The following RIMKLA variants were observed in gnomAD, a reference collection of about 807,000 sequenced individuals.
RIMKLA encodes the protein ribosomal modification protein rimK like family member A.
Under a neutral mutation model 32.7 loss-of-function variants are expected in RIMKLA, and 14 were observed. That is an observed-to-expected ratio of 0.43 (90% CI 0.28 to 0.67). The LOEUF (loss-of-function observed/expected upper bound fraction) is 0.67, where lower values mean the gene tolerates loss of function less well. Among genes scored for constraint, RIMKLA ranks in the 30% least tolerant of loss-of-function variants. RIMKLA has a pLI of 0.18. For missense variants in RIMKLA, 410 were observed against 519.0 expected (o/e 0.79, Z 2.04); for synonymous variants, 176 against 204.1 (o/e 0.86, Z 1.18).
chr1:42,415,118 T>A lies in RIMKLA; in HGVS notation c.*144T>A. The stretch of plus-strand genomic sequence containing the variant: ...ACTCAGCATTTTTTCTAACGATGAT[T>A]TAAGCAAATGGCCTAGCTTTGTGGT... On this transcript the variant is annotated 3_prime_UTR_variant, in exon 5 of 5. Coordinates refer to ENST00000431473, the MANE Select transcript of RIMKLA (RefSeq NM_173642.4). 1 of 866,906 alleles carries A rather than the reference T, an allele frequency of 1.2e-6. No individual in the cohort carries two copies. The highest frequency in any genetic ancestry group is 1.8e-6 in the Non-Finnish European group (1 of 570,488). The allele number at this position is 866,906 out of a possible 1,614,324, so 53.7% of individuals were successfully genotyped here.
In RIMKLA at chr1:42,416,209, G is replaced by A. The variant is rs57576747; in HGVS notation, c.*1235G>A. The A allele has an allele frequency of 4.6e-5, 7 of 151,602 alleles. No homozygotes were observed. The highest frequency in any genetic ancestry group is 3.3e-4 in the Admixed American group (5 of 15,136). The allele number at this position is 151,602 out of a possible 1,614,324, so 9.4% of individuals were successfully genotyped here. A position where few individuals can be genotyped will look rare whatever the true frequency, so the allele number is the denominator to read the frequency against. On this transcript the variant is annotated 3_prime_UTR_variant, in exon 5 of 5. Transcript: ENST00000431473. ...TGGAGTTTTCCATTTCTGCTTATAC[G>A]AAATATGACTGAAAATGAACAAAGC...
chr1:42,407,714 A>C (rs1191668834), intron 3 of RIMKLA, among the ~76,000 whole-genome samples: 1 of 152,170 alleles, frequency 6.6e-6, no homozygotes, highest in Non-Finnish European at 1.5e-5. Flanking sequence ...TGTCTTGATT[A>C]CTGTAACTTT....
chr1:42,410,800 A>G (rs1377826374), intron 4 of RIMKLA, among the ~76,000 whole-genome samples: 1 of 151,198 alleles, frequency 6.6e-6, no homozygotes. Context: ...TGTCAACCTC[A>G]CTGAATGAGT....
intron 1 of RIMKLA, among the ~76,000 whole-genome samples, chr1:42,393,877 C>T (rs188689474): frequency 6.5e-4 from 99 of 152,248 alleles, no homozygotes; most frequent in African/African-American, 1.8e-3. Flanking sequence ...CTCTGCCTCC[C>T]GGGTTCAAGC....
intron 1 of RIMKLA, among the ~76,000 whole-genome samples, chr1:42,392,805 A>G (rs914974023): frequency 6.6e-6 from 1 of 152,186 alleles, no homozygotes; most frequent in Admixed American, 6.5e-5. Flanking sequence ...CAGCCTGGGC[A>G]ATATGGTGAA....
At chr1:42,386,880 C>CAAATAAAT (rs151298858) in intron 1 of RIMKLA, among the ~76,000 whole-genome samples, 13,473 of 120,790 alleles carry the variant, frequency 0.11, 930 homozygotes, top group African/African-American at 0.15. Context: ...GACTCCATCT[C>CAAATAAAT]AAATAAATAA....
At chr1:42,391,434 G>A (rs967027161) in intron 1 of RIMKLA, among the ~76,000 whole-genome samples, 1 of 152,086 alleles carries the variant, frequency 6.6e-6, no homozygotes, top group African/African-American at 2.4e-5. Flanking sequence ...AATCAGGAGC[G>A]AGGAGGATAT....
chr1:42,398,079 A>G (rs1643063035), intron 1 of RIMKLA, among the ~76,000 whole-genome samples: 1 of 152,210 alleles, frequency 6.6e-6, no homozygotes. Flanking sequence ...CCATCTCCCT[A>G]TAGCATCTAT....
intron 1 of RIMKLA, among the ~76,000 whole-genome samples, chr1:42,391,012 C>T (rs377623119): frequency 1.3e-5 from 2 of 152,016 alleles, no homozygotes; most frequent in Admixed American, 6.6e-5. Context: ...TGGTGGTACC[C>T]GTGGATGGTA....
intron 1 of RIMKLA, among the ~76,000 whole-genome samples, chr1:42,383,781 G>T (rs971855571): frequency 3.3e-5 from 5 of 152,180 alleles, no homozygotes; most frequent in African/African-American, 9.7e-5. Context: ...CATCCAGCTA[G>T]TTAACAGCAA....
intron 1 of RIMKLA, among the ~76,000 whole-genome samples, chr1:42,395,267 T>A (rs190262838): frequency 2.0e-5 from 3 of 152,306 alleles, no homozygotes; most frequent in Admixed American, 1.3e-4. Flanking sequence ...TTTAACTGGG[T>A]TGGCAGTTGG....
At chr1:42,384,658 T>C (rs1211964262) in intron 1 of RIMKLA, among the ~76,000 whole-genome samples, 3 of 151,160 alleles carry the variant, frequency 2.0e-5, no homozygotes, top group African/African-American at 7.3e-5. Context: ...ATAGTGTTTA[T>C]TCTGTGCTGG....
In RIMKLA at chr1:42,419,039, A is replaced by T. The variant is rs1643274350; in HGVS notation, c.*4065A>T. 1 of 152,166 alleles carries T rather than the reference A, an allele frequency of 6.6e-6. No individual in the cohort carries two copies. Among genetic ancestry groups the T allele is most frequent in the African/African-American group, 2.4e-5 (1 of 41,446 alleles). The allele number at this position is 152,166 out of a possible 1,614,324, so 9.4% of individuals were successfully genotyped here. A position where few individuals can be genotyped will look rare whatever the true frequency, so the allele number is the denominator to read the frequency against. ...TAAAGTGAATGTTCATAGATCTGGGACTGTTTTTGACTGTACCTCTGAGAC... is the reference window on the plus strand; with the variant it reads ...TAAAGTGAATGTTCATAGATCTGGGTCTGTTTTTGACTGTACCTCTGAGAC... On this transcript the variant is annotated 3_prime_UTR_variant, in exon 5 of 5. Coordinates refer to ENST00000431473, the MANE Select transcript of RIMKLA (RefSeq NM_173642.4).
intron 2 of RIMKLA, among the ~76,000 whole-genome samples, chr1:42,403,685 A>G (rs1643119948): frequency 6.6e-6 from 1 of 152,180 alleles, no homozygotes; most frequent in African/African-American, 2.4e-5. Flanking sequence ...CTCCATAACA[A>G]ACTTCTAAAA....
chr1:42,381,027 C>G lies in RIMKLA; in HGVS notation c.93C>G (p.Ser31=). 2.9e-6 allele frequency: 4 copies of G among 1,378,836 alleles called. No homozygotes were observed. The highest frequency in any genetic ancestry group is 3.8e-6 in the Non-Finnish European group (4 of 1,066,550). The allele number at this position is 1,378,836 out of a possible 1,614,324, so 85.4% of individuals were successfully genotyped here. A position where few individuals can be genotyped will look rare whatever the true frequency, so the allele number is the denominator to read the frequency against. The change falls in exon 1 of 5, where the codon TCC becomes TCG. Residue 31 remains serine, a synonymous_variant. Transcript: ENST00000431473. ...QILRALRQRC[S]EQDVRFRAVL... ...TGCGCGCCCTCCGGCAGCGCTGCTC[C>G]GAGCAGGACGTGCGCTTCCGGGCGG... is the stretch of plus-strand genomic sequence containing the variant.
intron 1 of RIMKLA, among the ~76,000 whole-genome samples, chr1:42,386,015 G>C (rs1392352543): frequency 6.6e-6 from 1 of 150,754 alleles, no homozygotes; most frequent in Non-Finnish European, 1.5e-5. Context: ...TCTGCCTCCC[G>C]GGTTCGTGCA....
chr1:42,416,515 T>G lies in RIMKLA; in HGVS notation c.*1541T>G, dbSNP rs1305589355. On this transcript the variant is annotated 3_prime_UTR_variant, in exon 5 of 5. Coordinates refer to ENST00000431473, the MANE Select transcript of RIMKLA (RefSeq NM_173642.4). ...GCTGTTAAAAAAAAAAAATCATTCC[T>G]CAAAAAATAGATCTACCCTTAAAGG... 1.3e-5 allele frequency: 2 copies of G among 151,230 alleles called. No individual in the cohort carries two copies. Among genetic ancestry groups the G allele is most frequent in the African/African-American group, 4.9e-5 (2 of 41,034 alleles). The allele number at this position is 151,230 out of a possible 1,614,324, so 9.4% of individuals were successfully genotyped here.
intron 3 of RIMKLA, among the ~76,000 whole-genome samples, chr1:42,406,404 C>T (rs1432008624): frequency 6.6e-6 from 1 of 152,198 alleles, no homozygotes; most frequent in Admixed American, 6.5e-5. Context: ...CTGGCAACCA[C>T]TGACCTATTA....
chr1:42,412,773 C>A, intron 4 of RIMKLA: 1 of 309,608 alleles, frequency 3.2e-6, no homozygotes, highest in Non-Finnish European at 6.2e-6. Flanking sequence ...AGAGCATCAG[C>A]CAGGACATTG....
Sources: allele counts gnomAD v4.1 joint callset (sites outside exome capture counted in the v4.1 genomes callset), GRCh38; gene constraint gnomAD v4.1.1; transcripts MANE v1.5; gene names NCBI Gene and HGNC (gene_info 2026-07-23, HGNC 2026-07-21).